The following C13orf42 variants were observed in gnomAD, a reference collection of about 807,000 sequenced individuals.
The protein encoded by C13orf42 is chromosome 13 open reading frame 42, also known as uncharacterized protein C13orf42.
chr13:51,130,211 G>A (rs948680351), intron 1 of C13orf42, among the ~76,000 whole-genome samples: 3 of 152,096 alleles, frequency 2.0e-5, no homozygotes, highest in Non-Finnish European at 4.4e-5. Context: ...AAAGACATTT[G>A]GTCTAAATTA....
At chr13:51,133,822 C>A (rs184770541) in intron 1 of C13orf42, among the ~76,000 whole-genome samples, 2 of 152,288 alleles carry the variant, frequency 1.3e-5, no homozygotes, top group Admixed American at 1.3e-4. Flanking sequence ...GAAGAGGGGG[C>A]TCTGTGATAC....
intron 1 of C13orf42, among the ~76,000 whole-genome samples, chr13:51,122,561 A>G (rs572204051): frequency 2.4e-4 from 36 of 152,026 alleles, no homozygotes; most frequent in Non-Finnish European, 2.5e-4. Flanking sequence ...AAGAAAGAAA[A>G]AAAGGAAAAG....
chr13:51,093,978 T>C (rs1479345683), intron 1 of C13orf42, among the ~76,000 whole-genome samples: 2 of 152,206 alleles, frequency 1.3e-5, no homozygotes, highest in Non-Finnish European at 2.9e-5. Flanking sequence ...GGGGGTATTA[T>C]TTAAAATTCA....
chr13:51,106,456 G>C (rs1176410425), intron 1 of C13orf42, among the ~76,000 whole-genome samples: 1 of 152,202 alleles, frequency 6.6e-6, no homozygotes, highest in African/African-American at 2.4e-5. Context: ...TCCAGTCAAA[G>C]TGGATACATT....
At chr13:51,095,373 T>C (rs1953221785) in intron 1 of C13orf42, among the ~76,000 whole-genome samples, 2 of 152,178 alleles carry the variant, frequency 1.3e-5, no homozygotes, top group Admixed American at 1.3e-4. Flanking sequence ...GTTTAGTATA[T>C]GTCATTAATT....
intron 1 of C13orf42, among the ~76,000 whole-genome samples, chr13:51,096,559 T>C (rs1953236586): frequency 2.0e-5 from 3 of 152,258 alleles, no homozygotes; most frequent in Admixed American, 2.0e-4. Context: ...AGATTATTTA[T>C]TTATTTTACC....
intron 1 of C13orf42, among the ~76,000 whole-genome samples, chr13:51,126,011 T>C (rs140422150): frequency 4.1e-4 from 63 of 152,290 alleles, no homozygotes; most frequent in African/African-American, 1.4e-3. Context: ...GCCATTACAA[T>C]AACAGGTGCA....
chr13:51,144,601 T>C (rs1039737484), intron 1 of C13orf42, among the ~76,000 whole-genome samples: 4 of 152,238 alleles, frequency 2.6e-5, no homozygotes, highest in African/African-American at 9.6e-5. Context: ...GAATCAAACT[T>C]GATTTATGGA....
chr13:51,141,555 T>A (rs1015225837), intron 1 of C13orf42, among the ~76,000 whole-genome samples: 1 of 152,140 alleles, frequency 6.6e-6, no homozygotes, highest in African/African-American at 2.4e-5. Flanking sequence ...ATCTCAGTAC[T>A]TTGGGAGGCT....
At chr13:51,104,650 C>A (rs187371751) in intron 1 of C13orf42, among the ~76,000 whole-genome samples, 3 of 151,770 alleles carry the variant, frequency 2.0e-5, no homozygotes, top group Admixed American at 2.0e-4. Flanking sequence ...AGCTTAAATT[C>A]GTAATGAAAA....
intron 2 of C13orf42, among the ~76,000 whole-genome samples, chr13:51,087,420 G>A (rs1417454662): frequency 6.6e-6 from 1 of 152,116 alleles, no homozygotes; most frequent in Admixed American, 6.5e-5. Flanking sequence ...GTGGTGAAGT[G>A]TACAGAACAT....
chr13:51,086,261 C>T (rs931499602), intron 2 of C13orf42, among the ~76,000 whole-genome samples: 1 of 146,768 alleles, frequency 6.8e-6, no homozygotes, highest in Non-Finnish European at 1.5e-5. Flanking sequence ...GAGCTGAGAT[C>T]GTGCCACTGC....
chr13:51,135,012 G>A (rs1228585921), intron 1 of C13orf42, among the ~76,000 whole-genome samples: 3 of 152,204 alleles, frequency 2.0e-5, no homozygotes, highest in Non-Finnish European at 2.9e-5. Context: ...CACTGAAGGC[G>A]CTGCCCTCCT....
intron 1 of C13orf42, among the ~76,000 whole-genome samples, chr13:51,163,191 T>C (rs1464860119): frequency 6.6e-6 from 1 of 152,208 alleles, no homozygotes; most frequent in East Asian, 1.9e-4. Context: ...ATGCAGAACC[T>C]GGTCTAACCT....
intron 1 of C13orf42, among the ~76,000 whole-genome samples, chr13:51,153,621 GTTTTTTTTCTTTTTT>G (rs1353788748): frequency 1.6e-4 from 13 of 82,038 alleles, no homozygotes; most frequent in Non-Finnish European, 2.4e-4. Context: ...CTTGCTTTCT[GTTTTTTTTCTTTTTT>G]TTTTTTTTTT....
At chr13:51,169,472 T>C (rs1329757961) in intron 1 of C13orf42, among the ~76,000 whole-genome samples, 1 of 152,186 alleles carries the variant, frequency 6.6e-6, no homozygotes, top group Non-Finnish European at 1.5e-5. Context: ...GAAATTTGCA[T>C]ATGTAAAGAG....
intron 1 of C13orf42, among the ~76,000 whole-genome samples, chr13:51,136,797 AGGT>A (rs1953661378): frequency 6.6e-6 from 1 of 152,220 alleles, no homozygotes; most frequent in East Asian, 1.9e-4. Context: ...GAGAAGCCAG[AGGT>A]GCTGAGGATG....
chr13:51,099,920 T>A (rs1487918197), intron 1 of C13orf42, among the ~76,000 whole-genome samples: 1 of 152,242 alleles, frequency 6.6e-6, no homozygotes, highest in Non-Finnish European at 1.5e-5. Context: ...ATGTTGCTCA[T>A]ATATATCAAA....
intron 1 of C13orf42, among the ~76,000 whole-genome samples, chr13:51,101,103 A>G (rs1042244618): frequency 4.4e-4 from 67 of 152,206 alleles, no homozygotes; most frequent in Non-Finnish European, 7.4e-5. Context: ...TTGAAGACTA[A>G]TTTCAGATAA....
Sources: allele counts gnomAD v4.1 joint callset (sites outside exome capture counted in the v4.1 genomes callset), GRCh38; gene constraint gnomAD v4.1.1; transcripts MANE v1.5; gene names NCBI Gene and HGNC (gene_info 2026-07-23, HGNC 2026-07-21).